Variants in PLD5 observed in about 807,000 individuals in gnomAD.
PLD5 encodes phospholipase D family member 5.
A neutral mutation model predicts 61.1 loss-of-function variants in PLD5; 36 were observed. That is an observed-to-expected ratio of 0.59 (90% CI 0.45 to 0.78). The LOEUF (loss-of-function observed/expected upper bound fraction) is 0.78, where lower values mean the gene tolerates loss of function less well. Ranked by LOEUF, PLD5 falls within the 30% of genes least tolerant of loss-of-function variation. PLD5 has a pLI of 0.00. For missense variants in PLD5, 515 were observed against 644.4 expected (o/e 0.80, Z 2.17); for synonymous variants, 243 against 242.8 (o/e 1.00, Z -0.01).
intron 2 of PLD5, among the ~76,000 whole-genome samples, chr1:242,322,768 G>A (rs924113670): frequency 1.3e-5 from 2 of 152,020 alleles, no homozygotes; most frequent in South Asian, 2.1e-4. Flanking sequence ...TTTGCCTTTT[G>A]CCACAAGTGT....
chr1:242,212,527 G>A (rs1408098217), intron 5 of PLD5, among the ~76,000 whole-genome samples: 1 of 152,226 alleles, frequency 6.6e-6, no homozygotes, highest in African/African-American at 2.4e-5. Context: ...GAGGAGCCAG[G>A]CCCAGCATGC....
intron 2 of PLD5, among the ~76,000 whole-genome samples, chr1:242,344,264 C>A (rs527528705): frequency 6.6e-5 from 10 of 152,234 alleles, no homozygotes; most frequent in Non-Finnish European, 1.3e-4. Flanking sequence ...TACAGCCTAC[C>A]GAAGCCAATA....
At chr1:242,269,450 G>T (rs368095366) in intron 3 of PLD5, among the ~76,000 whole-genome samples, 3 of 151,144 alleles carry the variant, frequency 2.0e-5, no homozygotes, top group East Asian at 1.9e-4. Context: ...CTTCAATCCT[G>T]TAGGGGAGGA....
chr1:242,301,152 C>T (rs543974200), intron 2 of PLD5, among the ~76,000 whole-genome samples: 15 of 152,236 alleles, frequency 9.9e-5, no homozygotes, highest in African/African-American at 2.6e-4. Context: ...CTTGCCTGGA[C>T]AAGCCCCTTC....
rs375177006 is a variant in PLD5 at position 242,271,179 on chromosome 1, T to TACAC, written c.496-5735_496-5732dup. 3.2e-3 allele frequency among the ~76,000 whole-genome samples: 305 copies of TACAC among 95,740 alleles called. 7 individuals carry two copies. Among genetic ancestry groups the TACAC allele is most frequent in the African/African-American group, 0.012 (263 of 21,710 alleles). The allele number at this position is 95,740 out of a possible 152,430, so 62.8% of individuals were successfully genotyped here. On this transcript the variant is annotated intron_variant, in intron 3 of 9. Coordinates refer to ENST00000536534, the MANE Select transcript of PLD5 (RefSeq NM_001372062.1). ...ATATCTCAAAGTACACATGTGCATGTACACACACACACACACACACACAGA... is the reference window on the plus strand; with the variant it reads ...ATATCTCAAAGTACACATGTGCATGTACACACACACACACACACACACACACAGA...
At position 242,094,205 on chromosome 1, in the gene PLD5, A is replaced by G. The variant is rs573114103; in HGVS notation, c.1355-4095T>C. On this transcript the variant is annotated intron_variant, in intron 9 of 9. Coordinates refer to ENST00000536534, the MANE Select transcript of PLD5 (RefSeq NM_001372062.1). ...TGCCAGGAGAACTGTAGTGTCACCC[A>G]GAGGGACATGATGATGAGGTTGCAA... is the stretch of plus-strand genomic sequence containing the variant. 2.0e-5 allele frequency among the ~76,000 whole-genome samples: 3 copies of G among 151,990 alleles called. No individual in the cohort carries two copies. In the South Asian group the frequency reaches 6.2e-4, roughly 31 times the overall value.
chr1:242,193,323 A>T (rs1668399290), intron 5 of PLD5, among the ~76,000 whole-genome samples: 1 of 152,198 alleles, frequency 6.6e-6, no homozygotes, highest in Non-Finnish European at 1.5e-5. Context: ...TTCTCATAAA[A>T]TATCACATTG....
intron 5 of PLD5, among the ~76,000 whole-genome samples, chr1:242,145,009 G>A (rs1664447836): frequency 6.6e-6 from 1 of 152,160 alleles, no homozygotes; most frequent in South Asian, 2.1e-4. Context: ...TTAACTCACT[G>A]AGCCCTCAGA....
chr1:242,482,752 A>T (rs1192965894), intron 1 of PLD5, among the ~76,000 whole-genome samples: 1 of 152,216 alleles, frequency 6.6e-6, no homozygotes, highest in Admixed American at 6.5e-5. Flanking sequence ...AAGACACATA[A>T]TTGTCAGATT....
rs71650697 is a variant in PLD5 at position 242,337,612 on chromosome 1, C to T, written c.326+10494G>A. 9.2e-3 allele frequency among the ~76,000 whole-genome samples: 1,408 copies of T among 152,250 alleles called. 6 individuals are homozygous for T. The highest frequency in any genetic ancestry group is 0.014 in the Non-Finnish European group (985 of 68,024). ...TGCCATTGCACTCCAGCCAGGGCAACGAGAGCAAAACACCGTCTCAAATAA... is the reference window on the plus strand; with the variant it reads ...TGCCATTGCACTCCAGCCAGGGCAATGAGAGCAAAACACCGTCTCAAATAA... On this transcript the variant is annotated intron_variant, in intron 2 of 9. Coordinates refer to ENST00000536534, the MANE Select transcript of PLD5 (RefSeq NM_001372062.1).
intron 5 of PLD5, among the ~76,000 whole-genome samples, chr1:242,140,153 A>G (rs1035408349): frequency 2.0e-5 from 3 of 152,188 alleles, no homozygotes; most frequent in Non-Finnish European, 4.4e-5. Flanking sequence ...ACTCCTGCAC[A>G]CCAACGTGTT....
intron 2 of PLD5, among the ~76,000 whole-genome samples, chr1:242,294,286 C>T (rs1337813284): frequency 1.3e-5 from 2 of 152,298 alleles, no homozygotes; most frequent in East Asian, 3.9e-4. Context: ...AAGCTTTTTA[C>T]ATTGTTAATA....
intron 8 of PLD5, among the ~76,000 whole-genome samples, chr1:242,107,129 C>G (rs540107414): frequency 1.3e-5 from 2 of 152,216 alleles, no homozygotes; most frequent in South Asian, 4.2e-4. Context: ...CTCCAGTGCT[C>G]TGTTGGTCAC....
chr1:242,261,243 A>C (rs558290262), intron 4 of PLD5, among the ~76,000 whole-genome samples: 38 of 152,358 alleles, frequency 2.5e-4, no homozygotes, highest in Non-Finnish European at 5.3e-4. Context: ...CCTAATTTTT[A>C]ACAATGATGC....
intron 2 of PLD5, among the ~76,000 whole-genome samples, chr1:242,321,585 G>C (rs1219149857): frequency 2.0e-5 from 3 of 152,126 alleles, no homozygotes; most frequent in Non-Finnish European, 4.4e-5. Flanking sequence ...GATTACAGGT[G>C]TCAGCCACCA....
chr1:242,376,985 AG>A, intron 1 of PLD5: 1 of 1,611,646 alleles, frequency 6.2e-7, no homozygotes. Context: ...TCCGCATGTG[AG>A]TATTTGAGGC....
In PLD5 at chr1:242,245,884, C is replaced by CTCACAGCCCCCCTTCTTCCTTCCT. The variant is rs1460633772; in HGVS notation, c.607+19429_607+19452dup. Among the ~76,000 whole-genome samples the CTCACAGCCCCCCTTCTTCCTTCCT allele has an allele frequency of 2.0e-5, 3 of 152,278 alleles. No individual in the cohort carries two copies. The South Asian group carries it at 6.2e-4, about 32-fold the overall frequency. On this transcript the variant is annotated intron_variant, in intron 4 of 9. Coordinates refer to ENST00000536534, the MANE Select transcript of PLD5 (RefSeq NM_001372062.1). Reference sequence around the variant, plus strand: ...CTTAAGGCAGCACTTACAAAGTGAACTCACAGCCCCCCTTCTTCCTTCCTT... The same window carrying CTCACAGCCCCCCTTCTTCCTTCCT: ...CTTAAGGCAGCACTTACAAAGTGAACTCACAGCCCCCCTTCTTCCTTCCTTCACAGCCCCCCTTCTTCCTTCCTT...
In PLD5 at chr1:242,129,651, T is replaced by G. The variant is rs1574354099; in HGVS notation, c.736-4986A>C. 2.0e-5 allele frequency among the ~76,000 whole-genome samples: 3 copies of G among 152,234 alleles called. No individual in the cohort carries two copies. In the South Asian group the frequency reaches 6.2e-4, roughly 32 times the overall value. The stretch of plus-strand genomic sequence containing the variant: ...TGATTTGCTGACAAATTCTTAATTT[T>G]TAAAAATGAACTTAAGGAGTACAAG... On this transcript the variant is annotated intron_variant, in intron 5 of 9. Coordinates refer to ENST00000536534, the MANE Select transcript of PLD5 (RefSeq NM_001372062.1).
At chr1:242,107,338 G>A (rs1167480506) in intron 8 of PLD5, among the ~76,000 whole-genome samples, 1 of 152,156 alleles carries the variant, frequency 6.6e-6, no homozygotes, top group Non-Finnish European at 1.5e-5. Context: ...AGCTGAGCCT[G>A]GGAGTCAAGG....
Sources: gnomAD v4.1 joint callset for allele counts (sites outside exome capture counted in the v4.1 genomes callset) on GRCh38, gnomAD v4.1.1 for gene constraint, MANE v1.5 for transcripts, NCBI Gene and HGNC (gene_info 2026-07-23, HGNC 2026-07-21) for gene names.